ANKRD17: variants seen among roughly 807,000 people sequenced by gnomAD.
ANKRD17 encodes ankyrin repeat domain 17.
A neutral mutation model predicts 229.7 loss-of-function variants in ANKRD17; 19 were observed. That is an observed-to-expected ratio of 0.08 (90% CI 0.06 to 0.12). The LOEUF (loss-of-function observed/expected upper bound fraction) is 0.12. Ranked by LOEUF, ANKRD17 falls within the 10% of genes least tolerant of loss-of-function variation. ANKRD17 has a pLI of 1.00. For synonymous variants in ANKRD17, 1,112 were observed against 1,146.1 expected (o/e 0.97, Z 0.60); for missense variants, 2,176 against 3,176.8 (o/e 0.68, Z 7.57).
chr4:73,254,489 T>G (rs1322213465), intron 1 of ANKRD17, among the ~76,000 whole-genome samples: 1 of 152,128 alleles, frequency 6.6e-6, no homozygotes, highest in African/African-American at 2.4e-5. Flanking sequence ...AAGATTGCAG[T>G]GCGCAGTGTG....
chr4:73,092,306 A>G lies in ANKRD17; in HGVS notation c.5328-6T>C, dbSNP rs1722865245. 1 of 1,585,710 alleles carries G rather than the reference A, an allele frequency of 6.3e-7. No individual in the cohort carries two copies. Among genetic ancestry groups the G allele is most frequent in the Admixed American group, 1.9e-5 (1 of 52,872 alleles). On this transcript the variant is annotated splice_region_variant and splice_polypyrimidine_tract_variant and intron_variant, in intron 28 of 33. Transcript: ENST00000358602. ...TTGTTGATTCAGTGCCACCCCTATA[A>G]ATTGAGAAAAAAAAATTAGGTAGAA...
intron 3 of ANKRD17, among the ~76,000 whole-genome samples, chr4:73,158,670 G>A (rs2148902581): frequency 6.6e-6 from 1 of 152,312 alleles, no homozygotes; most frequent in South Asian, 2.1e-4. Flanking sequence ...GCCTTTAAGA[G>A]GTGACTGAGT....
At chr4:73,199,605 C>A (rs1266431749) in intron 1 of ANKRD17, among the ~76,000 whole-genome samples, 1 of 152,142 alleles carries the variant, frequency 6.6e-6, no homozygotes, top group African/African-American at 2.4e-5. Context: ...CTCCTAAGTC[C>A]TTATGAATAC....
rs371148691 is a variant in ANKRD17 at position 73,119,815 on chromosome 4, T to C, written c.4025+347A>G. Among the ~76,000 whole-genome samples, 17 of 152,284 alleles carry C rather than the reference T, an allele frequency of 1.1e-4. No individual in the cohort carries two copies. In the South Asian group the frequency reaches 3.1e-3, roughly 28 times the overall value. Reference sequence around the variant, plus strand: ...TTAATTACTGTGAAGAACAAGAAAATGGACAATGAAGCCTTAGATCACTGC... The same window carrying C: ...TTAATTACTGTGAAGAACAAGAAAACGGACAATGAAGCCTTAGATCACTGC... On this transcript the variant is annotated intron_variant, in intron 21 of 33. Transcript: ENST00000358602.
chr4:73,226,859 C>A lies in ANKRD17; in HGVS notation c.393+31417G>T, dbSNP rs191153684. On this transcript the variant is annotated intron_variant, in intron 1 of 33. Transcript: ENST00000358602. ...CCTCCCCAGTAGCTGGGACTACAGG[C>A]ACGTGCCACAATTTCTAACAAAAGC... Among the ~76,000 whole-genome samples, 179 of 152,216 alleles carry A rather than the reference C, an allele frequency of 1.2e-3. 1 individual carries two copies. The highest frequency in any genetic ancestry group is 4.0e-3 in the African/African-American group (165 of 41,526).
chr4:73,077,331 A>C (rs966640882), intron 32 of ANKRD17, 24 bp downstream of exon 32: 2 of 1,575,896 alleles, frequency 1.3e-6, no homozygotes, highest in African/African-American at 2.7e-5. Flanking sequence ...CCCTTAAATA[A>C]CTAGTACAAA....
At chr4:73,218,642 CAAAAAAAAAAAA>C (rs919657671) in intron 1 of ANKRD17, among the ~76,000 whole-genome samples, 3 of 59,676 alleles carry the variant, frequency 5.0e-5, no homozygotes, top group African/African-American at 1.8e-4. Flanking sequence ...GACTCTGTCT[CAAAAAAAAAAAA>C]AAAAAAAAAG....
intron 3 of ANKRD17, among the ~76,000 whole-genome samples, chr4:73,160,969 C>G (rs1032078248): frequency 6.6e-6 from 1 of 152,144 alleles, no homozygotes; most frequent in African/African-American, 2.4e-5. Flanking sequence ...TCTATTTGAT[C>G]TTGATTAAGT....
Position 73,141,859 on chromosome 4 carries a change from C to T in ANKRD17, c.2230-16G>A. ...CACGAGGAGCCTAAGACAAAGGACA[C>T]TAAGTGACTATTAGTGTCCTACACA... On this transcript the variant is annotated splice_polypyrimidine_tract_variant and intron_variant, in intron 13 of 33. Transcript: ENST00000358602. 1 of 1,597,798 alleles carries T rather than the reference C, an allele frequency of 6.3e-7. No homozygotes were observed. The highest frequency in any genetic ancestry group is 8.6e-7 in the Non-Finnish European group (1 of 1,166,228).
intron 25 of ANKRD17, among the ~76,000 whole-genome samples, chr4:73,101,664 C>CAAAAAAA (rs71215484): frequency 3.6e-5 from 4 of 111,458 alleles, no homozygotes; most frequent in Non-Finnish European, 6.9e-5. Flanking sequence ...GACTCGGTCT[C>CAAAAAAA]AAAAAAAAAA....
chr4:73,132,465 A>G lies in ANKRD17; in HGVS notation c.3234+2652T>C, dbSNP rs928426333. Among the ~76,000 whole-genome samples the G allele has an allele frequency of 2.0e-5, 3 of 152,202 alleles. No individual in the cohort carries two copies. In the East Asian group the frequency reaches 5.8e-4, roughly 29 times the overall value. On this transcript the variant is annotated intron_variant, in intron 16 of 33. Transcript: ENST00000358602. ...AAATTAAAGGAGAAAAATGGTGAAC[A>G]ATTATTTTTGAACAGTATTTTTTTC... is the stretch of plus-strand genomic sequence containing the variant.
At chr4:73,114,865 T>C (rs943049931) in intron 23 of ANKRD17, among the ~76,000 whole-genome samples, 1 of 152,180 alleles carries the variant, frequency 6.6e-6, no homozygotes, top group Non-Finnish European at 1.5e-5. Flanking sequence ...TTGTCCTCTT[T>C]GGTTTTCAGA....
chr4:73,209,842 C>A (rs982168033), intron 1 of ANKRD17, among the ~76,000 whole-genome samples: 1 of 152,106 alleles, frequency 6.6e-6, no homozygotes, highest in Non-Finnish European at 1.5e-5. Flanking sequence ...TGGAAAATCA[C>A]AGGATCACCT....
intron 16 of ANKRD17, among the ~76,000 whole-genome samples, chr4:73,133,919 A>G (rs923497923): frequency 2.6e-5 from 4 of 152,180 alleles, no homozygotes; most frequent in Admixed American, 2.0e-4. Context: ...TGAAGTGACT[A>G]AACAAAATGC....
chr4:73,111,844 A>C (rs1301856115), intron 24 of ANKRD17, among the ~76,000 whole-genome samples: 3 of 152,238 alleles, frequency 2.0e-5, no homozygotes, highest in African/African-American at 7.2e-5. Context: ...ACAAATATTT[A>C]TTGAGTGCCT....
chr4:73,103,214 A>G (rs562869807), intron 24 of ANKRD17, among the ~76,000 whole-genome samples: 1 of 152,170 alleles, frequency 6.6e-6, no homozygotes, highest in South Asian at 2.1e-4. Context: ...GTTAGGAGAA[A>G]AAAAGGCACA....
intron 27 of ANKRD17, among the ~76,000 whole-genome samples, chr4:73,096,694 C>T (rs1014446862): frequency 2.6e-5 from 4 of 151,904 alleles, no homozygotes; most frequent in African/African-American, 9.7e-5. Context: ...TTTTAAAATC[C>T]CATGCAAAAC....
chr4:73,247,911 A>T (rs1744644229), intron 1 of ANKRD17, among the ~76,000 whole-genome samples: 1 of 141,318 alleles, frequency 7.1e-6, no homozygotes, highest in South Asian at 2.2e-4. Flanking sequence ...ATAATAGGTG[A>T]TTTTTCTATT....
chr4:73,240,826 T>G (rs78635661), intron 1 of ANKRD17, among the ~76,000 whole-genome samples: 1 of 149,318 alleles, frequency 6.7e-6, no homozygotes, highest in East Asian at 1.9e-4. Flanking sequence ...TTTTTTTTTT[T>G]GGAGATGAGT....
Sources: gnomAD v4.1 joint callset for allele counts (sites outside exome capture counted in the v4.1 genomes callset) on GRCh38, gnomAD v4.1.1 for gene constraint, MANE v1.5 for transcripts, NCBI Gene and HGNC (gene_info 2026-07-23, HGNC 2026-07-21) for gene names.